CTNNA1: variants seen among roughly 807,000 people sequenced by gnomAD.
The protein encoded by CTNNA1 is catenin alpha 1, also known as catenin alpha-1.
Under a neutral mutation model 98.4 loss-of-function variants are expected in CTNNA1, and 37 were observed. The observed-to-expected ratio is 0.38, with a 90% CI of 0.29 to 0.49. The LOEUF (loss-of-function observed/expected upper bound fraction) is 0.49. Among genes scored for constraint, CTNNA1 ranks in the 20% least tolerant of loss-of-function variants. CTNNA1 has a pLI of 0.95. For missense variants in CTNNA1, 761 were observed against 1,147.2 expected, an observed-to-expected ratio of 0.66 and a Z score of 4.86; for synonymous variants, 404 against 413.2, an observed-to-expected ratio of 0.98 and a Z score of 0.27.
intron 2 of CTNNA1, 119 bp from the exon 3 acceptor site, chr5:138,783,058 T>A: frequency 1.4e-6 from 1 of 723,248 alleles, no homozygotes; most frequent in Non-Finnish European, 2.2e-6. Flanking sequence ...AATTGTATGT[T>A]AATGTTCAGT....
chr5:138,783,460 A>T lies in CTNNA1; in HGVS notation c.301+88A>T, dbSNP rs1034299814. 7.1e-6 allele frequency: 8 copies of T among 1,121,366 alleles called. No individual in the cohort carries two copies. The African/African-American group carries it at 1.1e-4, about 15-fold the overall frequency. The allele number at this position is 1,121,366 out of a possible 1,614,324, so 69.5% of individuals were successfully genotyped here. ...GATTTTTTTTGTGGTCAGTATTCTC[A>T]TTCTTATGCTTGCCAATTGCTCAGT... is the stretch of plus-strand genomic sequence containing the variant. On this transcript the variant is annotated intron_variant, in intron 3 of 17. Transcript: ENST00000302763.
At chr5:138,756,260 C>T (rs556510899) in intron 1 of CTNNA1, among the ~76,000 whole-genome samples, 37 of 151,982 alleles carry the variant, frequency 2.4e-4, no homozygotes, top group South Asian at 1.7e-3. Context: ...TGGTCTCAAA[C>T]TCCTGACCTC....
At chr5:138,870,099 A>C (rs1350722734) in intron 7 of CTNNA1, 2 of 152,228 alleles carry the variant, frequency 1.3e-5, no homozygotes, top group Non-Finnish European at 2.9e-5. Flanking sequence ...TAATCTTAAA[A>C]ATAGAAAAAA....
intron 1 of CTNNA1, among the ~76,000 whole-genome samples, chr5:138,781,362 T>C (rs1243808161): frequency 6.6e-6 from 1 of 152,132 alleles, no homozygotes; most frequent in Non-Finnish European, 1.5e-5. Context: ...CATCATATCC[T>C]GGCTAACACG....
intron 7 of CTNNA1, among the ~76,000 whole-genome samples, chr5:138,854,963 G>T (rs1763592305): frequency 6.6e-6 from 1 of 152,130 alleles, no homozygotes; most frequent in South Asian, 2.1e-4. Context: ...AAAAAATATT[G>T]GGATTTAGAG....
rs56935188 is a variant in CTNNA1, at chr5:138,916,177, C to CAAAAAAAAAAA, written c.1390-1561_1390-1551dup. 2.6e-3 allele frequency among the ~76,000 whole-genome samples: 295 copies of CAAAAAAAAAAA among 114,960 alleles called. 7 individuals are homozygous for CAAAAAAAAAAA. Among genetic ancestry groups the CAAAAAAAAAAA allele is most frequent in the African/African-American group, 6.8e-3 (190 of 27,962 alleles). 75.4% of individuals were successfully genotyped at this position (114,960 alleles called of 152,430 possible). A position where few individuals can be genotyped will look rare whatever the true frequency, so the allele number is the denominator to read the frequency against. On this transcript the variant is annotated intron_variant, in intron 10 of 17. Transcript: ENST00000302763. ...GAGATAGAAAGCAAATTAGTGGTTG[C>CAAAAAAAAAAA]AAAAAAAAAAAAAAGAAGGGGCTAA...
At chr5:138,927,024 T>G (rs1388354579) in intron 13 of CTNNA1, among the ~76,000 whole-genome samples, 1 of 152,208 alleles carries the variant, frequency 6.6e-6, no homozygotes, top group Non-Finnish European at 1.5e-5. Context: ...ATCTGCTTTA[T>G]CTGTGAATTC....
At chr5:138,763,099 GT>G (rs11421131) in intron 1 of CTNNA1, among the ~76,000 whole-genome samples, 2 of 150,852 alleles carry the variant, frequency 1.3e-5, no homozygotes, top group African/African-American at 4.9e-5. Context: ...TTATTGCTAT[GT>G]TTTTTTTTGT....
chr5:138,903,775 C>T (rs946789832), intron 9 of CTNNA1, among the ~76,000 whole-genome samples: 10 of 152,258 alleles, frequency 6.6e-5, no homozygotes, highest in Admixed American at 1.3e-4. Flanking sequence ...GTTTCCTTTT[C>T]CACTTTTGAT....
chr5:138,875,812 TG>T, intron 7 of CTNNA1: 3 of 795,216 alleles, frequency 3.8e-6, no homozygotes, highest in Non-Finnish European at 4.6e-6. Flanking sequence ...AATCAAAGTA[TG>T]ACTATGATTT....
At chr5:138,859,373 A>G (rs1475854471) in intron 7 of CTNNA1, among the ~76,000 whole-genome samples, 1 of 152,156 alleles carries the variant, frequency 6.6e-6, no homozygotes. Context: ...TCCCATCTAC[A>G]CCCATTCCCT....
At chr5:138,776,760 G>A (rs1754269676) in intron 1 of CTNNA1, among the ~76,000 whole-genome samples, 6 of 149,522 alleles carry the variant, frequency 4.0e-5, no homozygotes, top group Non-Finnish European at 7.4e-5. Context: ...GGGCAGAAGC[G>A]CCCCTCACCT....
chr5:138,855,599 G>A (rs1763661374), intron 7 of CTNNA1, among the ~76,000 whole-genome samples: 1 of 152,220 alleles, frequency 6.6e-6, no homozygotes, highest in African/African-American at 2.4e-5. Context: ...TTAGTTGCTG[G>A]CACTTGCCAG....
At chr5:138,854,016 A>T (rs1381900258) in intron 7 of CTNNA1, among the ~76,000 whole-genome samples, 1 of 152,190 alleles carries the variant, frequency 6.6e-6, no homozygotes, top group African/African-American at 2.4e-5. Context: ...CCAATCATAG[A>T]GCTGGGTTAG....
chr5:138,926,514 G>C (rs748732602), intron 13 of CTNNA1, among the ~76,000 whole-genome samples: 2 of 149,778 alleles, frequency 1.3e-5, no homozygotes. Context: ...CCCACTTGCC[G>C]ATTTCGTTGA....
At chr5:138,822,929 C>T (rs1246812080) in intron 5 of CTNNA1, among the ~76,000 whole-genome samples, 1 of 152,146 alleles carries the variant, frequency 6.6e-6, no homozygotes, top group Non-Finnish European at 1.5e-5. Flanking sequence ...AAAGATGAAC[C>T]ACTAAATAGC....
At chr5:138,788,030 A>G (rs1755904308) in intron 3 of CTNNA1, among the ~76,000 whole-genome samples, 1 of 152,182 alleles carries the variant, frequency 6.6e-6, no homozygotes, top group African/African-American at 2.4e-5. Context: ...TAGCTACCTT[A>G]TATAGGCAGA....
At chr5:138,803,675 C>T (rs1202104895) in intron 3 of CTNNA1, among the ~76,000 whole-genome samples, 1 of 152,136 alleles carries the variant, frequency 6.6e-6, no homozygotes, top group Non-Finnish European at 1.5e-5. Context: ...CCTGTGATTC[C>T]TTTGTCAAGA....
intron 3 of CTNNA1, among the ~76,000 whole-genome samples, chr5:138,790,612 C>T (rs971756458): frequency 6.6e-6 from 1 of 152,198 alleles, no homozygotes. Flanking sequence ...AAAATTGAGA[C>T]ATGGCTCATT....
Sources: gnomAD v4.1 joint callset for allele counts (sites outside exome capture counted in the v4.1 genomes callset) on GRCh38, gnomAD v4.1.1 for gene constraint, MANE v1.5 for transcripts, NCBI Gene and HGNC (gene_info 2026-07-23, HGNC 2026-07-21) for gene names.